CERKL: variants seen among roughly 807,000 people sequenced by gnomAD.
CERKL encodes the protein CERK like autophagy regulator, also known as ceramide kinase-like protein.
CERKL carries 61 observed loss-of-function variants against 63.4 expected under a neutral mutation model. The ratio of observed to expected loss-of-function variants is 0.96; its 90% CI spans 0.78 to 1.19. The LOEUF (loss-of-function observed/expected upper bound fraction) is 1.19, where lower values mean the gene tolerates loss of function less well. Ranked by LOEUF, CERKL falls within the 50% of genes most tolerant of loss-of-function variation. The probability of loss-of-function intolerance (pLI) is 0.00; values close to 1 mark genes in which losing one functional copy is unlikely to be tolerated. For synonymous variants in CERKL, 250 were observed against 230.5 expected, an observed-to-expected ratio of 1.08 and a Z score of -0.77; for missense variants, 675 against 655.5, an observed-to-expected ratio of 1.03 and a Z score of -0.33.
In CERKL at chr2:181,657,050, C is replaced by A. The variant is rs1240089362; in HGVS notation, c.-44G>T. ...GCCCGAGCCAGGGGTCCGGGGAGGC[C>A]TTTGGAGAAGGAGGTGGAGGGCGCG... is the stretch of plus-strand genomic sequence containing the variant. On this transcript the variant is annotated 5_prime_UTR_variant, in exon 1 of 13. The change creates a new upstream start codon in the 5' untranslated region. Coordinates refer to ENST00000410087, the MANE Select transcript of CERKL (RefSeq NM_201548.5). The A allele has an allele frequency of 6.5e-7, 1 of 1,526,720 alleles. No individual in the cohort carries two copies. The allele number at this position is 1,526,720 out of a possible 1,614,324, so 94.6% of individuals were successfully genotyped here. A position where few individuals can be genotyped will look rare whatever the true frequency, so the allele number is the denominator to read the frequency against.
intron 2 of CERKL, among the ~76,000 whole-genome samples, chr2:181,602,685 C>T (rs1685508797): frequency 6.6e-6 from 1 of 152,132 alleles, no homozygotes; most frequent in South Asian, 2.1e-4. Flanking sequence ...AACTTGGGTC[C>T]TCATGGTTTT....
At chr2:181,592,738 T>C (rs1685040087) in intron 2 of CERKL, among the ~76,000 whole-genome samples, 1 of 152,202 alleles carries the variant, frequency 6.6e-6, no homozygotes, top group Non-Finnish European at 1.5e-5. Context: ...TTCACAACTT[T>C]ATAGCTGCAT....
chr2:181,636,167 G>C (rs1687172009), intron 1 of CERKL, among the ~76,000 whole-genome samples: 1 of 152,164 alleles, frequency 6.6e-6, no homozygotes. Context: ...TTGATGCTAA[G>C]ATTTGGTAGA....
At chr2:181,652,745 A>T (rs1053252005) in intron 1 of CERKL, among the ~76,000 whole-genome samples, 6 of 151,448 alleles carry the variant, frequency 4.0e-5, no homozygotes, top group Non-Finnish European at 8.8e-5. Context: ...CAAAATATAT[A>T]AGAAAATTAA....
chr2:181,549,843 T>C (rs1687910673), intron 5 of CERKL, 135 bp from the exon 6 acceptor site: 1 of 702,438 alleles, frequency 1.4e-6, no homozygotes, highest in Admixed American at 2.1e-5. Flanking sequence ...TCAGGAAAGT[T>C]AATGTGAATA....
chr2:181,624,353 C>T (rs375212977), intron 1 of CERKL, among the ~76,000 whole-genome samples: 2 of 150,124 alleles, frequency 1.3e-5, no homozygotes, highest in South Asian at 4.2e-4. Flanking sequence ...CAAAGGGAGA[C>T]CCCATCTCTA....
At chr2:181,552,558 C>T (rs1325873239) in intron 5 of CERKL, among the ~76,000 whole-genome samples, 1 of 152,146 alleles carries the variant, frequency 6.6e-6, no homozygotes, top group East Asian at 1.9e-4. Flanking sequence ...TCAATTAAAC[C>T]TCTTTCCTTT....
At chr2:181,541,879 T>G (rs1187286660) in intron 11 of CERKL, among the ~76,000 whole-genome samples, 2 of 152,156 alleles carry the variant, frequency 1.3e-5, no homozygotes, top group African/African-American at 4.8e-5. Flanking sequence ...GGGGAAAAGA[T>G]AAGGTCGGCT....
chr2:181,597,760 C>T (rs907132592), intron 2 of CERKL, among the ~76,000 whole-genome samples: 3 of 152,158 alleles, frequency 2.0e-5, no homozygotes, highest in Admixed American at 1.3e-4. Context: ...GGATTCTCTA[C>T]CCTTGAGTCT....
Position 181,656,867 on chromosome 2 carries a change from A to T in CERKL, c.140T>A (p.Leu47Gln). 6.2e-7 allele frequency: 1 copy of T among 1,605,202 alleles called. No individual in the cohort carries two copies. The highest frequency in any genetic ancestry group is 1.1e-5 in the South Asian group (1 of 90,582). Residue 47 changes from leucine (L) to glutamine (Q), a missense_variant, in exon 1 of 13, where the codon CTG (leucine) becomes CAG (glutamine). By Grantham distance (113) the Leu-to-Gln change is moderately radical. Transcript: ENST00000410087. ...CCCGATCTCGAAGATGCCCCGGAGC[A>T]GAATCCGCTCGGCCGCCGCCTCCGT... The part of the protein sequence containing the change: ...QQTEAAAERI[L>Q]LRGIFEIGRD...
chr2:181,568,964 C>A (rs1000098832), intron 3 of CERKL, among the ~76,000 whole-genome samples: 1 of 151,832 alleles, frequency 6.6e-6, no homozygotes, highest in African/African-American at 2.4e-5. Context: ...CATCCTAAAT[C>A]TGTAACAGTT....
intron 5 of CERKL, among the ~76,000 whole-genome samples, chr2:181,552,164 G>A (rs528384116): frequency 9.7e-4 from 147 of 152,188 alleles, no homozygotes; most frequent in African/African-American, 3.5e-3. Context: ...GAAGGACTGG[G>A]GAGATACTGG....
chr2:181,626,706 G>T (rs1316428070), intron 1 of CERKL, among the ~76,000 whole-genome samples: 1 of 152,242 alleles, frequency 6.6e-6, no homozygotes, highest in African/African-American at 2.4e-5. Flanking sequence ...AGCAATTCTT[G>T]AGAGTGGGTA....
chr2:181,575,107 C>T lies in CERKL; in HGVS notation c.482-1223G>A, dbSNP rs573868719. 5.9e-5 allele frequency among the ~76,000 whole-genome samples: 9 copies of T among 152,268 alleles called. No homozygotes were observed. In the East Asian group the frequency reaches 1.5e-3, roughly 26 times the overall value. The stretch of plus-strand genomic sequence containing the variant: ...AGATTCATAAGATGGTAGCCACTTG[C>T]TTCCATGCCTTCTCCCTTCTCCCAC... On this transcript the variant is annotated intron_variant, in intron 2 of 12. Transcript: ENST00000410087.
At chr2:181,545,282 C>G (rs1172156911) in intron 10 of CERKL, among the ~76,000 whole-genome samples, 1 of 152,058 alleles carries the variant, frequency 6.6e-6, no homozygotes, top group African/African-American at 2.4e-5. Context: ...ATCAAAGTGG[C>G]CTTTGGATGG....
intron 11 of CERKL, among the ~76,000 whole-genome samples, chr2:181,541,405 G>C (rs530338077): frequency 2.0e-5 from 3 of 152,290 alleles, no homozygotes; most frequent in Non-Finnish European, 4.4e-5. Flanking sequence ...TGTGGTATTT[G>C]TTATGGCAAC....
intron 10 of CERKL, among the ~76,000 whole-genome samples, chr2:181,547,225 C>T (rs1687769099): frequency 6.6e-6 from 1 of 152,076 alleles, no homozygotes; most frequent in Non-Finnish European, 1.5e-5. Flanking sequence ...AATACAGTAT[C>T]AAATATACAT....
At chr2:181,570,111 G>C (rs1177042462) in intron 3 of CERKL, among the ~76,000 whole-genome samples, 4 of 152,096 alleles carry the variant, frequency 2.6e-5, no homozygotes, top group Non-Finnish European at 5.9e-5. Context: ...GAATTAGTCT[G>C]GAAGAAAGGG....
chr2:181,583,491 G>C (rs1181477390), intron 2 of CERKL, among the ~76,000 whole-genome samples: 1 of 152,184 alleles, frequency 6.6e-6, no homozygotes, highest in African/African-American at 2.4e-5. Flanking sequence ...TAAGCCTTTA[G>C]ATTGAAAATT....
Sources: gnomAD v4.1 joint callset for allele counts (sites outside exome capture counted in the v4.1 genomes callset) on GRCh38, gnomAD v4.1.1 for gene constraint, MANE v1.5 for transcripts, NCBI Gene and HGNC (gene_info 2026-07-23, HGNC 2026-07-21) for gene names.